Variants in HECW2 observed in about 807,000 individuals in gnomAD.
HECW2 encodes HECT, C2 and WW domain containing E3 ubiquitin protein ligase 2, also known as E3 ubiquitin-protein ligase HECW2.
HECW2 carries 61 observed loss-of-function variants against 175.2 expected under a neutral mutation model. That is an observed-to-expected ratio of 0.35 (90% CI 0.28 to 0.43). The LOEUF (loss-of-function observed/expected upper bound fraction) is 0.43, where lower values mean the gene tolerates loss of function less well. Among genes scored for constraint, HECW2 ranks in the 20% least tolerant of loss-of-function variants. The pLI is 1.00. For synonymous variants in HECW2, 671 were observed against 731.0 expected (o/e 0.92, Z 1.32); for missense variants, 1,524 against 2,000.5 (o/e 0.76, Z 4.54).
rs183400913 is a variant in HECW2, at chr2:196,253,770, T to C, written c.3529+150A>G. 8.9e-4 allele frequency: 542 copies of C among 611,678 alleles called. 2 individuals carry two copies. Among genetic ancestry groups the C allele is most frequent in the Non-Finnish European group, 1.3e-3 (477 of 359,332 alleles). The allele number at this position is 611,678 out of a possible 1,614,324, so 37.9% of individuals were successfully genotyped here. A position where few individuals can be genotyped will look rare whatever the true frequency, so the allele number is the denominator to read the frequency against. On this transcript the variant is annotated intron_variant, in intron 19 of 28. Transcript: ENST00000644978. ...AATCCTCATGGAAATAAGCCACTCT[T>C]ACGAGACAGGAAATGCACACGTGTA...
chr2:196,394,994 C>T (rs1694619721), intron 2 of HECW2, among the ~76,000 whole-genome samples: 1 of 152,086 alleles, frequency 6.6e-6, no homozygotes, highest in Non-Finnish European at 1.5e-5. Context: ...TTTATGTGTG[C>T]CCACTTGGTA....
chr2:196,267,430 AG>A (rs1394714583), intron 17 of HECW2, among the ~76,000 whole-genome samples: 1 of 152,158 alleles, frequency 6.6e-6, no homozygotes, highest in Non-Finnish European at 1.5e-5. Flanking sequence ...AACCAGTAGT[AG>A]CATATAATAA....
At chr2:196,300,147 A>T (rs1217552539) in intron 13 of HECW2, among the ~76,000 whole-genome samples, 1 of 137,308 alleles carries the variant, frequency 7.3e-6, no homozygotes, top group Non-Finnish European at 1.6e-5. Flanking sequence ...TCAGGGCTTG[A>T]TTTATTGTTC....
chr2:196,568,664 T>G (rs1690267765), intron 1 of HECW2, among the ~76,000 whole-genome samples: 1 of 152,166 alleles, frequency 6.6e-6, no homozygotes. Flanking sequence ...GGCCTAGCAA[T>G]ATACAATGTG....
intron 22 of HECW2, among the ~76,000 whole-genome samples, 191 bp from the exon 23 acceptor site, chr2:196,226,061 G>A (rs950654854): frequency 6.6e-6 from 1 of 152,134 alleles, no homozygotes; most frequent in Non-Finnish European, 1.5e-5. Context: ...TTGTATACTT[G>A]TCCCTGCCCA....
Position 196,345,514 on chromosome 2 carries a change from C to A in HECW2, c.293-1750G>T, listed in dbSNP as rs527763567. ...AGGACAAACTCAACATCCTTTTGCTCTTCCCTGTCCCCTCTTTTTGAAGTA... is the reference window on the plus strand; with the variant it reads ...AGGACAAACTCAACATCCTTTTGCTATTCCCTGTCCCCTCTTTTTGAAGTA... On this transcript the variant is annotated intron_variant, in intron 2 of 28. Transcript: ENST00000644978. Among the ~76,000 whole-genome samples, 272 of 152,324 alleles carry A rather than the reference C, an allele frequency of 1.8e-3. 2 individuals carry two copies. The highest frequency in any genetic ancestry group is 6.4e-3 in the African/African-American group (266 of 41,584).
Position 196,372,219 on chromosome 2 carries a change from A to G in HECW2, c.293-28455T>C, listed in dbSNP as rs116293289. Among the ~76,000 whole-genome samples the G allele has an allele frequency of 6.5e-3, 989 of 152,344 alleles. 8 individuals carry two copies. The highest frequency in any genetic ancestry group is 0.022 in the African/African-American group (902 of 41,572). On this transcript the variant is annotated intron_variant, in intron 2 of 28. Transcript: ENST00000644978. Reference sequence around the variant, plus strand: ...CTAATGATTTTCTTGATATGTGGCAATAACAGTAATAAGAAGCACAAAGTA... The same window carrying G: ...CTAATGATTTTCTTGATATGTGGCAGTAACAGTAATAAGAAGCACAAAGTA...
At chr2:196,544,132 G>A (rs1418467798) in intron 1 of HECW2, among the ~76,000 whole-genome samples, 1 of 152,174 alleles carries the variant, frequency 6.6e-6, no homozygotes, top group African/African-American at 2.4e-5. Context: ...CAGCATTAAG[G>A]ACAGTAACCA....
intron 20 of HECW2, among the ~76,000 whole-genome samples, chr2:196,240,765 G>GGTAA (rs143726777): frequency 5.1e-4 from 6 of 11,786 alleles, no homozygotes; most frequent in African/African-American, 5.5e-4. Flanking sequence ...GAGAATCATT[G>GGTAA]GTAGAGTACC....
intron 1 of HECW2, among the ~76,000 whole-genome samples, chr2:196,565,657 A>C (rs1446631823): frequency 6.6e-6 from 1 of 152,234 alleles, no homozygotes; most frequent in Admixed American, 6.5e-5. Flanking sequence ...GTTCTGCTAA[A>C]AAGTGCTTTC....
At chr2:196,516,586 A>C (rs1053176750) in intron 1 of HECW2, among the ~76,000 whole-genome samples, 3 of 152,224 alleles carry the variant, frequency 2.0e-5, no homozygotes, top group Non-Finnish European at 2.9e-5. Context: ...AGTAATTCAC[A>C]GTATCAGTCC....
intron 2 of HECW2, among the ~76,000 whole-genome samples, chr2:196,402,200 C>CAAA (rs55851966): frequency 0.021 from 1,465 of 70,180 alleles, 240 homozygotes; most frequent in African/African-American, 0.059. Flanking sequence ...GACTCTGTCT[C>CAAA]AAAAAAAAAA....
chr2:196,248,627 CACACAG>C (rs1331698641), intron 19 of HECW2, among the ~76,000 whole-genome samples: 2 of 148,760 alleles, frequency 1.3e-5, no homozygotes, highest in African/African-American at 5.1e-5. Context: ...CACACACACA[CACACAG>C]AGAGAGACAG....
rs1320872492 is a variant in HECW2 at position 196,522,080 on chromosome 2, C to T, written c.-36+71428G>A. ...CACACTGACTTCCACAATGGTTGAA[C>T]TAGTTTACAATCCCACCAACAGTGT... On this transcript the variant is annotated intron_variant, in intron 1 of 28. Transcript: ENST00000644978. Among the ~76,000 whole-genome samples the T allele has an allele frequency of 2.0e-5, 3 of 152,192 alleles. No homozygotes were observed. The East Asian group carries it at 5.8e-4, about 29-fold the overall frequency.
rs190865193 is a variant in HECW2, at chr2:196,511,346, G to A, written c.-35-77888C>T. On this transcript the variant is annotated intron_variant, in intron 1 of 28. Coordinates refer to ENST00000644978, the MANE Select transcript of HECW2 (RefSeq NM_001348768.2). ...AATCAATATTTCCATTCATTTTCTA[G>A]AATCGTTAAGGTAGAAATGGACTTT... Among the ~76,000 whole-genome samples, 6 of 152,262 alleles carry A rather than the reference G, an allele frequency of 3.9e-5. No homozygotes were observed. In the East Asian group the frequency reaches 9.6e-4, roughly 24 times the overall value.
chr2:196,476,551 T>G (rs1438422419), intron 1 of HECW2, among the ~76,000 whole-genome samples: 1 of 152,080 alleles, frequency 6.6e-6, no homozygotes, highest in Non-Finnish European at 1.5e-5. Flanking sequence ...CAGAAAGTTA[T>G]CTCTCAATAA....
intron 2 of HECW2, among the ~76,000 whole-genome samples, chr2:196,344,037 G>A (rs780586355): frequency 6.6e-6 from 1 of 152,052 alleles, no homozygotes; most frequent in African/African-American, 2.4e-5. Context: ...AAGAACAAAG[G>A]GTACAACTGC....
chr2:196,529,269 C>T (rs1688766502), intron 1 of HECW2, among the ~76,000 whole-genome samples: 2 of 152,168 alleles, frequency 1.3e-5, no homozygotes, highest in South Asian at 4.1e-4. Context: ...TAACATATTT[C>T]AGGAGGAAAA....
At chr2:196,357,996 T>G (rs1693441360) in intron 2 of HECW2, among the ~76,000 whole-genome samples, 1 of 152,212 alleles carries the variant, frequency 6.6e-6, no homozygotes, top group South Asian at 2.1e-4. Flanking sequence ...CATTTTCCTT[T>G]TCTATGTATA....
Sources: gnomAD v4.1 joint callset for allele counts (sites outside exome capture counted in the v4.1 genomes callset) on GRCh38, gnomAD v4.1.1 for gene constraint, MANE v1.5 for transcripts, NCBI Gene and HGNC (gene_info 2026-07-23, HGNC 2026-07-21) for gene names.